Variants in ASTN1 observed in about 807,000 individuals in gnomAD.
ASTN1 encodes astrotactin-1.
In ASTN1, 41 loss-of-function variants were observed where a neutral mutation model predicts 140.7. The observed-to-expected ratio is 0.29, with a 90% confidence interval of 0.23 to 0.38. The LOEUF (loss-of-function observed/expected upper bound fraction) is 0.38, where lower values mean the gene tolerates loss of function less well. Ranked by LOEUF, ASTN1 falls within the 10% of genes least tolerant of loss-of-function variation. The pLI is 1.00. For synonymous variants in ASTN1, 640 were observed against 652.2 expected, an observed-to-expected ratio of 0.98 and a Z score of 0.29; for missense variants, 1,479 against 1,678.8, an observed-to-expected ratio of 0.88 and a Z score of 2.08.
chr1:176,864,592 G>C (rs1420958867), intron 22 of ASTN1, 71 bp from the exon 23 acceptor site: 2 of 1,562,642 alleles, frequency 1.3e-6, no homozygotes, highest in Non-Finnish European at 8.7e-7. Context: ...GCTACTGTTA[G>C]TGTGAGACTC....
intron 1 of ASTN1, among the ~76,000 whole-genome samples, chr1:177,121,731 G>A (rs1020328717): frequency 2.6e-5 from 4 of 151,980 alleles, no homozygotes; most frequent in African/African-American, 9.7e-5. Context: ...TGACCTGAGG[G>A]CCCCTAAAGT....
chr1:176,937,169 T>C (rs570120576), intron 14 of ASTN1, among the ~76,000 whole-genome samples: 2 of 152,340 alleles, frequency 1.3e-5, no homozygotes, highest in South Asian at 4.1e-4. Flanking sequence ...TTGCAGTAAT[T>C]GACTCAGCCC....
At chr1:176,895,084 T>C (rs1038113788) in intron 16 of ASTN1, among the ~76,000 whole-genome samples, 1 of 152,192 alleles carries the variant, frequency 6.6e-6, no homozygotes, top group African/African-American at 2.4e-5. Flanking sequence ...ACTGAATCTC[T>C]AGAGGGATCG....
chr1:177,041,698 T>TCAAA (rs1676981083), intron 2 of ASTN1, among the ~76,000 whole-genome samples: 1 of 152,242 alleles, frequency 6.6e-6, no homozygotes, highest in African/African-American at 2.4e-5. Flanking sequence ...ATTAAGGGAA[T>TCAAA]TATTGAACAA....
chr1:176,947,265 G>T (rs2103113195), intron 12 of ASTN1, among the ~76,000 whole-genome samples: 1 of 152,322 alleles, frequency 6.6e-6, no homozygotes, highest in Non-Finnish European at 1.5e-5. Context: ...ATGAGCTTAT[G>T]CAGTGCCTAA....
At position 176,945,930 on chromosome 1, in the gene ASTN1, A is replaced by T; in HGVS notation, c.2245T>A (p.Phe749Ile). The T allele has an allele frequency of 3.7e-6, 6 of 1,608,294 alleles. No individual in the cohort carries two copies. The highest frequency in any genetic ancestry group is 5.1e-6 in the Non-Finnish European group (6 of 1,176,308). The change falls in exon 13 of 23, where the codon TTC (phenylalanine) becomes ATC (isoleucine). Residue 749 changes from phenylalanine to isoleucine, a missense_variant. Around this residue, in one of 3 missense-constraint regions of ASTN1, gnomAD observed 746 missense variants for 800.9 expected, o/e 0.93. Coordinates refer to ENST00000361833, the MANE Select transcript of ASTN1 (RefSeq NM_004319.3). ...TTCTATGTATATGAGGTTTACCTGA[A>T]TGTTCCTTTCAGCACCTGTCCGGCA... Reference protein sequence around the residue: ...VAAGQVLKGTFRQNNFARGLD... With the variant: ...VAAGQVLKGTIRQNNFARGLD...
chr1:176,957,627 C>G (rs35655504), intron 11 of ASTN1, 51 bp downstream of exon 11: 59,049 of 1,601,696 alleles, frequency 0.037, 1,317 homozygotes, highest in African/African-American at 0.07. Flanking sequence ...TCCCCCGTGC[C>G]TTTCCTCCCC....
chr1:176,993,070 A>T (rs1310469480), intron 8 of ASTN1, among the ~76,000 whole-genome samples: 1 of 152,238 alleles, frequency 6.6e-6, no homozygotes, highest in Non-Finnish European at 1.5e-5. Context: ...CAAACCAGGA[A>T]GAGAACCCTC....
chr1:176,952,567 G>C (rs932474555), intron 11 of ASTN1, among the ~76,000 whole-genome samples: 2 of 152,008 alleles, frequency 1.3e-5, no homozygotes, highest in Non-Finnish European at 2.9e-5. Flanking sequence ...TCTTTAAGGA[G>C]TTTCCTAAGG....
intron 20 of ASTN1, among the ~76,000 whole-genome samples, chr1:176,881,708 C>A (rs895436504): frequency 6.6e-6 from 1 of 152,150 alleles, no homozygotes; most frequent in East Asian, 1.9e-4. Context: ...TATATACTGT[C>A]GAAATCCTCT....
At chr1:177,143,146 C>G (rs1244295888) in intron 1 of ASTN1, among the ~76,000 whole-genome samples, 4 of 152,160 alleles carry the variant, frequency 2.6e-5, no homozygotes, top group African/African-American at 4.8e-5. Flanking sequence ...ATAAAACTGC[C>G]AGGCGACAGC....
intron 7 of ASTN1, among the ~76,000 whole-genome samples, chr1:177,022,602 T>C (rs577546369): frequency 1.3e-5 from 2 of 152,310 alleles, no homozygotes; most frequent in East Asian, 3.9e-4. Flanking sequence ...CTCCATTTGA[T>C]AGTATAACAG....
chr1:177,150,566 C>A (rs1682986250), intron 1 of ASTN1, among the ~76,000 whole-genome samples: 1 of 151,974 alleles, frequency 6.6e-6, no homozygotes, highest in Non-Finnish European at 1.5e-5. Flanking sequence ...TGTGAATTTC[C>A]AAGGACCAAT....
rs192418209 is a variant in ASTN1 at position 176,970,604 on chromosome 1, T to C, written c.1524-5367A>G. Among the ~76,000 whole-genome samples the C allele has an allele frequency of 4.1e-3, 620 of 150,874 alleles. 6 individuals are homozygous for C. The highest frequency in any genetic ancestry group is 0.015 in the African/African-American group (595 of 40,804). On this transcript the variant is annotated intron_variant, in intron 8 of 22. Transcript: ENST00000361833. ...GTAGGTAGGTAGATAGATAGATAGA[T>C]AGACAGACAGACAGACAGATAGATA...
chr1:176,983,386 T>C (rs1228195534), intron 8 of ASTN1, among the ~76,000 whole-genome samples: 2 of 152,188 alleles, frequency 1.3e-5, no homozygotes, highest in East Asian at 3.9e-4. Context: ...TTCTTGTTAT[T>C]TTCCACGTAA....
In ASTN1 at chr1:177,015,602, C is replaced by T. The variant is rs75113718; in HGVS notation, c.1439-727G>A. On this transcript the variant is annotated intron_variant, in intron 7 of 22. Transcript: ENST00000361833. ...ACAATTCCACATTTATTTAGGATAT[C>T]ACTACATTTCATTATAATTTGTTAT... Among the ~76,000 whole-genome samples the T allele has an allele frequency of 1.6e-3, 243 of 152,272 alleles. 3 individuals carry two copies. Among genetic ancestry groups the T allele is most frequent in the East Asian group, 9.6e-3 (50 of 5,186 alleles).
rs538412104 is a variant in ASTN1, at chr1:176,944,943, A to G, written c.2250-925T>C. On this transcript the variant is annotated intron_variant, in intron 13 of 22. Transcript: ENST00000361833. ...ACAGAAAAAGCAGCTGATTCCAAAA[A>G]CTGTCTTGAAAATTGACTATCAGTT... Among the ~76,000 whole-genome samples the G allele has an allele frequency of 4.1e-4, 63 of 152,296 alleles. No individual in the cohort carries two copies. The South Asian group carries it at 0.013, about 31-fold the overall frequency.
chr1:177,164,088 C>G (rs1647554238), intron 1 of ASTN1, among the ~76,000 whole-genome samples: 1 of 152,092 alleles, frequency 6.6e-6, no homozygotes, highest in African/African-American at 2.4e-5. Context: ...TGTGGATGTG[C>G]TCCTGAATCA....
chr1:176,911,287 G>A (rs1670226109), intron 16 of ASTN1, among the ~76,000 whole-genome samples: 3 of 152,126 alleles, frequency 2.0e-5, no homozygotes, highest in Admixed American at 1.3e-4. Context: ...GGGCATTACA[G>A]TACACTCCTG....
Sources: gnomAD v4.1 joint callset for allele counts (sites outside exome capture counted in the v4.1 genomes callset) on GRCh38, gnomAD v4.1.1 for gene constraint, gnomAD v4.1.1 regional missense constraint, MANE v1.5 for transcripts, NCBI Gene and HGNC (gene_info 2026-07-23, HGNC 2026-07-21) for gene names.